COL5A2: variants seen among roughly 807,000 people sequenced by gnomAD.
The protein encoded by COL5A2 is collagen type V alpha 2 chain, also known as collagen alpha-2(V) chain.
Under a neutral mutation model 208.2 loss-of-function variants are expected in COL5A2, and 23 were observed. The ratio of observed to expected loss-of-function variants is 0.11; its 90% CI spans 0.08 to 0.16. The LOEUF (loss-of-function observed/expected upper bound fraction) is 0.16, where lower values mean the gene tolerates loss of function less well. Ranked by LOEUF, COL5A2 falls within the 10% of genes least tolerant of loss-of-function variation. COL5A2 has a pLI of 1.00. For synonymous variants in COL5A2, 625 were observed against 628.5 expected (o/e 0.99, Z 0.08); for missense variants, 1,590 against 1,956.4 (o/e 0.81, Z 3.53).
chr2:189,045,338 A>ATT, intron 46 of COL5A2, 106 bp from the exon 47 acceptor site: 6 of 707,096 alleles, frequency 8.5e-6, no homozygotes, highest in Non-Finnish European at 2.5e-6. Context: ...GCATATATAT[A>ATT]TATGTGTGTG....
rs185490774 is a variant in COL5A2 at position 189,087,429 on chromosome 2, C to G, written c.646-659G>C. On this transcript the variant is annotated intron_variant, in intron 8 of 53. Transcript: ENST00000374866. ...ATATTACTATTTTTTAAATATCATA[C>G]TTTAAAAAGTAAAATAAATTAAAAT... 7.2e-5 allele frequency among the ~76,000 whole-genome samples: 11 copies of G among 151,956 alleles called. No individual in the cohort carries two copies. In the East Asian group the frequency reaches 1.5e-3, roughly 21 times the overall value.
the COL5A2 span, among the ~76,000 whole-genome samples, chr2:189,396,653 A>C: frequency 7.8e-6 from 1 of 128,236 alleles, no homozygotes; most frequent in African/African-American, 2.9e-5. Context: ...CAGCCTGGGT[A>C]ACAGAGCAAG....
the COL5A2 span, among the ~76,000 whole-genome samples, chr2:189,241,974 G>A: frequency 6.6e-6 from 1 of 152,068 alleles, no homozygotes; most frequent in East Asian, 1.9e-4. Flanking sequence ...GTGAACATTT[G>A]TTCAAATGTT....
the COL5A2 span, among the ~76,000 whole-genome samples, chr2:189,403,562 T>C: frequency 5.9e-5 from 9 of 152,322 alleles, no homozygotes; most frequent in East Asian, 1.5e-3. Context: ...GTTTGTCATA[T>C]ATGGCTCTTG....
intron 1 of COL5A2, among the ~76,000 whole-genome samples, chr2:189,166,210 C>A (rs372133204): frequency 1.3e-5 from 2 of 152,180 alleles, no homozygotes; most frequent in Non-Finnish European, 1.5e-5. Context: ...TCTTCCCAGG[C>A]TCTTGCTGCT....
At chr2:189,197,380 C>A (rs1043941686) in intron 1 of COL5A2, among the ~76,000 whole-genome samples, 7 of 152,000 alleles carry the variant, frequency 4.6e-5, no homozygotes, top group African/African-American at 1.7e-4. Flanking sequence ...TGCCAAACCA[C>A]CATGGCACAC....
chr2:189,051,285 T>C, intron 42 of COL5A2, 35 bp downstream of exon 42: 1 of 1,613,790 alleles, frequency 6.2e-7, no homozygotes, highest in African/African-American at 1.3e-5. Context: ...AATATCTCAG[T>C]TGAAGGTGGT....
the COL5A2 span, among the ~76,000 whole-genome samples, chr2:189,322,212 A>T: frequency 2.6e-5 from 4 of 152,228 alleles, no homozygotes; most frequent in African/African-American, 9.6e-5. Context: ...CTAAATACCC[A>T]CAAGAGAAAG....
chr2:189,046,922 GA>G (rs1685681731), intron 45 of COL5A2, among the ~76,000 whole-genome samples: 1 of 151,964 alleles, frequency 6.6e-6, no homozygotes, highest in African/African-American at 2.4e-5. Flanking sequence ...AAGAGATCGA[GA>G]CCATCCTGGC....
chr2:189,085,687 T>TA, intron 10 of COL5A2, 32 bp downstream of exon 10: 1 of 1,589,618 alleles, frequency 6.3e-7, no homozygotes. Context: ...GACCCAAATG[T>TA]AACTGGGTCT....
chr2:189,308,525 T>C, the COL5A2 span, among the ~76,000 whole-genome samples: 1 of 152,154 alleles, frequency 6.6e-6, no homozygotes, highest in Non-Finnish European at 1.5e-5. Flanking sequence ...CCCATTCCTG[T>C]CTAGGCCTTT....
chr2:189,070,688 T>C (rs2105610147), intron 18 of COL5A2, among the ~76,000 whole-genome samples: 1 of 152,284 alleles, frequency 6.6e-6, no homozygotes, highest in African/African-American at 2.4e-5. Context: ...CATAGATTTG[T>C]GAGTATTTCC....
At chr2:189,311,648 G>C in the COL5A2 span, 3 of 777,156 alleles carry the variant, frequency 3.9e-6, no homozygotes, top group Admixed American at 3.8e-5. Context: ...GGACTGGACT[G>C]TATGTCTCAG....
At chr2:189,098,940 T>C (rs1366145306) in intron 4 of COL5A2, among the ~76,000 whole-genome samples, 181 bp from the exon 5 acceptor site, 1 of 152,178 alleles carries the variant, frequency 6.6e-6, no homozygotes, top group Non-Finnish European at 1.5e-5. Flanking sequence ...TTTTAACTAA[T>C]ATAGGGAGGC....
chr2:189,153,971 C>T (rs1315143314), intron 1 of COL5A2, among the ~76,000 whole-genome samples: 4 of 152,040 alleles, frequency 2.6e-5, no homozygotes, highest in Non-Finnish European at 4.4e-5. Context: ...TCCAATATTC[C>T]CTGGCTATGG....
intron 6 of COL5A2, chr2:189,094,946 A>T (rs1198755339): frequency 6.6e-6 from 1 of 151,898 alleles, no homozygotes; most frequent in Non-Finnish European, 1.5e-5. Flanking sequence ...TGGATTTGGC[A>T]ATGTCAAGAA....
At chr2:189,330,268 G>A in the COL5A2 span, among the ~76,000 whole-genome samples, 3 of 152,116 alleles carry the variant, frequency 2.0e-5, no homozygotes, top group Non-Finnish European at 2.9e-5. Flanking sequence ...AATCCTCTGA[G>A]CCACGCTGGG....
chr2:189,204,174 G>A (rs539920450), intron 1 of COL5A2, among the ~76,000 whole-genome samples: 1 of 152,304 alleles, frequency 6.6e-6, no homozygotes, highest in African/African-American at 2.4e-5. Flanking sequence ...TGGGATTACA[G>A]GCGTGAGCCA....
At chr2:189,246,086 A>G in the COL5A2 span, among the ~76,000 whole-genome samples, 2 of 152,238 alleles carry the variant, frequency 1.3e-5, no homozygotes, top group Non-Finnish European at 2.9e-5. Flanking sequence ...AAACAGAAAT[A>G]CGTTATTTTA....
Sources: gnomAD v4.1 joint callset for allele counts (sites outside exome capture counted in the v4.1 genomes callset) on GRCh38, gnomAD v4.1.1 for gene constraint, MANE v1.5 for transcripts, NCBI Gene and HGNC (gene_info 2026-07-23, HGNC 2026-07-21) for gene names.